ZCCHC17: variants seen among roughly 807,000 people sequenced by gnomAD.
The protein encoded by ZCCHC17 is zinc finger CCHC domain-containing protein 17.
In ZCCHC17, 18 loss-of-function variants were observed where a neutral mutation model predicts 30.6. The ratio of observed to expected loss-of-function variants is 0.59; its 90% CI spans 0.41 to 0.87. The LOEUF (loss-of-function observed/expected upper bound fraction) is 0.87. Ranked by LOEUF, ZCCHC17 falls within the 40% of genes least tolerant of loss-of-function variation. The pLI, the probability that ZCCHC17 is intolerant of heterozygous loss-of-function variation, is 0.00. For missense variants in ZCCHC17, 263 were observed against 284.2 expected, an observed-to-expected ratio of 0.93 and a Z score of 0.54; for synonymous variants, 88 against 92.4, an observed-to-expected ratio of 0.95 and a Z score of 0.27.
chr1:31,336,656 T>A (rs1638829363), intron 3 of ZCCHC17, among the ~76,000 whole-genome samples: 1 of 150,024 alleles, frequency 6.7e-6, no homozygotes, highest in Non-Finnish European at 1.5e-5. Context: ...CCACTGTGCC[T>A]GGCCTATTTT....
chr1:31,352,691 C>T (rs1203195128), intron 7 of ZCCHC17, among the ~76,000 whole-genome samples: 2 of 152,156 alleles, frequency 1.3e-5, no homozygotes, highest in Non-Finnish European at 2.9e-5. Flanking sequence ...AAGCAGTCTT[C>T]CCACCTTGGC....
At position 31,305,569 on chromosome 1, in the gene ZCCHC17, G is replaced by A. The variant is rs180884320; in HGVS notation, c.-55-4475G>A. On this transcript the variant is annotated intron_variant, in intron 1 of 7. Transcript: ENST00000344147. ...CCTTCCAAAGTGCTGGGATACAGGC[G>A]TGAGCCACCATGCCCGGCCATAATT... is the stretch of plus-strand genomic sequence containing the variant. Among the ~76,000 whole-genome samples, 1,012 of 152,110 alleles carry A rather than the reference G, an allele frequency of 6.7e-3. 6 individuals carry two copies. Among genetic ancestry groups the A allele is most frequent in the Non-Finnish European group, 0.01 (712 of 67,974 alleles).
intron 1 of ZCCHC17, among the ~76,000 whole-genome samples, 151 bp from the exon 2 acceptor site, chr1:31,309,893 C>T (rs1646556970): frequency 6.6e-6 from 1 of 152,054 alleles, no homozygotes; most frequent in Admixed American, 6.5e-5. Context: ...CAAAACTCCC[C>T]ACAATTAGAA....
chr1:31,318,822 C>A (rs1353083670), intron 2 of ZCCHC17, among the ~76,000 whole-genome samples: 1 of 152,112 alleles, frequency 6.6e-6, no homozygotes, highest in Non-Finnish European at 1.5e-5. Flanking sequence ...GTTCATGAAA[C>A]TCTGTTGGTG....
intron 3 of ZCCHC17, among the ~76,000 whole-genome samples, chr1:31,321,162 G>T (rs2148430082): frequency 6.6e-6 from 1 of 152,258 alleles, no homozygotes; most frequent in East Asian, 1.9e-4. Context: ...TAATCCCCAT[G>T]TGCTGTGGTA....
At chr1:31,337,568 A>G (rs1638870451) in intron 4 of ZCCHC17, among the ~76,000 whole-genome samples, 2 of 152,228 alleles carry the variant, frequency 1.3e-5, no homozygotes, top group African/African-American at 4.8e-5. Context: ...AACCAAAAAG[A>G]GAGAAGGAAA....
At chr1:31,358,719 C>T (rs771022246) in intron 7 of ZCCHC17, among the ~76,000 whole-genome samples, 7 of 146,086 alleles carry the variant, frequency 4.8e-5, no homozygotes, top group Admixed American at 1.4e-4. Context: ...TGGGAGGGGG[C>T]GGGGCATAGA....
chr1:31,352,509 G>T (rs1429403673), intron 7 of ZCCHC17, among the ~76,000 whole-genome samples: 2 of 152,088 alleles, frequency 1.3e-5, no homozygotes, highest in Non-Finnish European at 2.9e-5. Context: ...TTTGAAGCAG[G>T]GTCTTGTGCT....
intron 2 of ZCCHC17, 29 bp from the exon 3 acceptor site, chr1:31,319,080 A>G (rs747593412): frequency 1.4e-5 from 22 of 1,598,268 alleles, no homozygotes; most frequent in Non-Finnish European, 8.6e-6. Context: ...CATGTATGTG[A>G]CATTGATTTT....
chr1:31,301,728 A>T (rs1423630101), intron 1 of ZCCHC17, among the ~76,000 whole-genome samples: 1 of 152,142 alleles, frequency 6.6e-6, no homozygotes, highest in Non-Finnish European at 1.5e-5. Context: ...TAATAGGTTT[A>T]ATTATTTCCA....
chr1:31,315,477 T>C (rs1031741877), intron 2 of ZCCHC17, among the ~76,000 whole-genome samples: 3 of 152,160 alleles, frequency 2.0e-5, no homozygotes, highest in African/African-American at 7.2e-5. Context: ...GGTACGAGCA[T>C]AGCAATGAGA....
At chr1:31,301,474 T>C (rs970911833) in intron 1 of ZCCHC17, among the ~76,000 whole-genome samples, 3 of 152,216 alleles carry the variant, frequency 2.0e-5, no homozygotes, top group African/African-American at 7.2e-5. Context: ...TTGAATGTCA[T>C]GAAGATAAAA....
intron 1 of ZCCHC17, among the ~76,000 whole-genome samples, chr1:31,304,592 A>G (rs1457358665): frequency 2.7e-5 from 4 of 147,058 alleles, no homozygotes; most frequent in African/African-American, 1.0e-4. Context: ...GCTCAATGTT[A>G]TATACTCTTA....
chr1:31,343,890 T>C (rs1040388979), intron 5 of ZCCHC17, among the ~76,000 whole-genome samples: 1 of 142,218 alleles, frequency 7.0e-6, no homozygotes, highest in Admixed American at 7.0e-5. Context: ...AGTTTCACTC[T>C]TGTTGCCCAG....
At position 31,362,164 on chromosome 1, in the gene ZCCHC17, G is replaced by A. The variant is rs1034675231; in HGVS notation, c.565-1868G>A. Reference sequence around the variant, plus strand: ...ATTTGAAGGGAACAGGCCTCAGTGAGTTCAGATGACTTGCCCACGGATGCA... The same window carrying A: ...ATTTGAAGGGAACAGGCCTCAGTGAATTCAGATGACTTGCCCACGGATGCA... On this transcript the variant is annotated intron_variant, in intron 7 of 7. Transcript: ENST00000344147. Among the ~76,000 whole-genome samples, 27 of 151,060 alleles carry A rather than the reference G, an allele frequency of 1.8e-4. 1 individual carries two copies. In the East Asian group the frequency reaches 2.0e-3, roughly 11 times the overall value.
rs1640038320 is a variant in ZCCHC17, at chr1:31,364,117, G to A, written c.650G>A (p.Arg217Lys). Residue 217 changes from arginine (R) to lysine (K), a missense_variant, in exon 8 of 8, where the codon AGG becomes AAG. Coordinates refer to ENST00000344147, the MANE Select transcript of ZCCHC17 (RefSeq NM_016505.4). Reference protein sequence around the residue: ...DSESDTGKRARHTSKDSKAAK... With the variant: ...DSESDTGKRAKHTSKDSKAAK... ...GAGAGTGATACAGGCAAGAGGGCAA[G>A]GCACACATCAAAAGACAGCAAGGCA... 3 of 1,613,746 alleles carry A rather than the reference G, an allele frequency of 1.9e-6. No individual in the cohort carries two copies. Among genetic ancestry groups the A allele is most frequent in the Non-Finnish European group, 2.5e-6 (3 of 1,179,888 alleles).
At chr1:31,341,396 T>A (rs1176528262) in intron 5 of ZCCHC17, among the ~76,000 whole-genome samples, 7 of 152,150 alleles carry the variant, frequency 4.6e-5, no homozygotes, top group Admixed American at 4.6e-4. Flanking sequence ...TATGGACTCA[T>A]TAAAAAATAG....
At chr1:31,358,489 G>A (rs2148481495) in intron 7 of ZCCHC17, among the ~76,000 whole-genome samples, 1 of 152,298 alleles carries the variant, frequency 6.6e-6, no homozygotes, top group South Asian at 2.1e-4. Context: ...GGACTAGAAT[G>A]ACAGTGGCAA....
At chr1:31,305,545 C>T (rs536941986) in intron 1 of ZCCHC17, among the ~76,000 whole-genome samples, 2 of 152,316 alleles carry the variant, frequency 1.3e-5, no homozygotes, top group East Asian at 3.9e-4. Flanking sequence ...CCACCTTGGC[C>T]TTCCAAAGTG....
Sources: allele counts gnomAD v4.1 joint callset (sites outside exome capture counted in the v4.1 genomes callset), GRCh38; gene constraint gnomAD v4.1.1; transcripts MANE v1.5; gene names NCBI Gene and HGNC (gene_info 2026-07-23, HGNC 2026-07-21).